The following PLEKHG2 variants were observed in gnomAD, a reference collection of about 807,000 sequenced individuals.
PLEKHG2 encodes the protein pleckstrin homology domain-containing family G member 2.
In PLEKHG2, 71 loss-of-function variants were observed where a neutral mutation model predicts 104.4. The ratio of observed to expected loss-of-function variants is 0.68; its 90% CI spans 0.56 to 0.83. The LOEUF (loss-of-function observed/expected upper bound fraction) is 0.83, where lower values mean the gene tolerates loss of function less well. Ranked by LOEUF, PLEKHG2 falls within the 40% of genes least tolerant of loss-of-function variation. PLEKHG2 has a pLI of 0.00. For synonymous variants in PLEKHG2, 728 were observed against 737.0 expected, an observed-to-expected ratio of 0.99 and a Z score of 0.20; for missense variants, 1,730 against 1,809.4, an observed-to-expected ratio of 0.96 and a Z score of 0.80.
intron 2 of PLEKHG2, 43 bp from the exon 3 acceptor site, chr19:39,414,949 G>A (rs1450451027): frequency 6.5e-7 from 1 of 1,535,824 alleles, no homozygotes; most frequent in Non-Finnish European, 8.8e-7. Flanking sequence ...GGAAGTCCGT[G>A]CATGGGGAGA....
intron 11 of PLEKHG2, among the ~76,000 whole-genome samples, chr19:39,419,896 A>C (rs2078671111): frequency 1.0e-5 from 1 of 97,274 alleles, no homozygotes. Context: ...AAAAAAGAAA[A>C]AGAAAAATTA....
In PLEKHG2 at chr19:39,415,323, C is replaced by T; in HGVS notation, c.379-16C>T. On this transcript the variant is annotated splice_polypyrimidine_tract_variant and intron_variant, in intron 3 of 18. Coordinates refer to ENST00000425673, the MANE Select transcript of PLEKHG2 (RefSeq NM_022835.3). This position sits in a 1 kb window ranked among gnomAD's most constrained non-coding sequence, Gnocchi z 4.6. ...GGCCAGCCCCTTGGCCCCCATAACC[C>T]CAGTCATCCCAACAGGACTACCTGG... 1 of 1,612,828 alleles carries T rather than the reference C, an allele frequency of 6.2e-7. No individual in the cohort carries two copies. The highest frequency in any genetic ancestry group is 8.5e-7 in the Non-Finnish European group (1 of 1,179,250).
rs760172948 is a variant in PLEKHG2 at position 39,424,178 on chromosome 19, C to T, written c.3045C>T (p.His1015=). The part of the protein sequence containing the change: ...CPEQGHCADI[H]VPTTPALPKE... ...AGCAGGGACACTGTGCGGACATCCA[C>T]GTTCCCACCACTCCAGCTTTGCCCA... The change falls in exon 19 of 19, where the codon CAC becomes CAT. Residue 1015 remains histidine, a synonymous_variant. Coordinates refer to ENST00000425673, the MANE Select transcript of PLEKHG2 (RefSeq NM_022835.3). 26 of 1,614,154 alleles carry T rather than the reference C, an allele frequency of 1.6e-5. No homozygotes were observed. The highest frequency in any genetic ancestry group is 1.7e-4 in the Middle Eastern group (1 of 6,060).
rs963635231 is a variant in PLEKHG2 at position 39,413,836 on chromosome 19, G to T, written c.-22-229G>T. On this transcript the variant is annotated intron_variant, in intron 1 of 18. Transcript: ENST00000425673. The surrounding 1 kb of genome is among the most constrained non-coding windows in gnomAD (Gnocchi z 4.5). ...CAGACAAACGGGACTCGCAGCTTCT[G>T]CGCCTCCTGCTCCGCTCACTCTTCT... 3 of 297,528 alleles carry T rather than the reference G, an allele frequency of 1.0e-5. No individual in the cohort carries two copies. In the East Asian group the frequency reaches 1.9e-4, roughly 18 times the overall value. 18.4% of individuals were successfully genotyped at this position (297,528 alleles called of 1,614,324 possible). A position where few individuals can be genotyped will look rare whatever the true frequency, so the allele number is the denominator to read the frequency against.
chr19:39,416,388 G>T lies in PLEKHG2; in HGVS notation c.520G>T (p.Gly174Cys). The change falls in exon 5 of 19, where the codon GGT becomes TGT. Residue 174 changes from glycine to cysteine, a missense_variant. By Grantham distance (159) the Gly-to-Cys change is radical (BLOSUM62 -3). Coordinates refer to ENST00000425673, the MANE Select transcript of PLEKHG2 (RefSeq NM_022835.3). The surrounding 1 kb of genome is among the most constrained non-coding windows in gnomAD (Gnocchi z 4.5). ...EDLENSSSAG[G>C]IAECFVQRSE... Reference sequence around the variant, plus strand: ...CTTGGAGAACAGCAGCAGCGCCGGGGGTATTGCCGAGTGCTTCGTGCAGAG... The same window carrying T: ...CTTGGAGAACAGCAGCAGCGCCGGGTGTATTGCCGAGTGCTTCGTGCAGAG... The T allele has an allele frequency of 6.2e-7, 1 of 1,613,208 alleles. No homozygotes were observed. Among genetic ancestry groups the T allele is most frequent in the Non-Finnish European group, 8.5e-7 (1 of 1,179,802 alleles).
At position 39,416,713 on chromosome 19, in the gene PLEKHG2, G is replaced by A. The variant is rs878941996; in HGVS notation, c.593+116G>A. 49 of 1,473,024 alleles carry A rather than the reference G, an allele frequency of 3.3e-5. 1 individual carries two copies. The South Asian group carries it at 5.8e-4, about 18-fold the overall frequency. 91.2% of individuals were successfully genotyped at this position (1,473,024 alleles called of 1,614,324 possible). On this transcript the variant is annotated intron_variant, in intron 6 of 18. Coordinates refer to ENST00000425673, the MANE Select transcript of PLEKHG2 (RefSeq NM_022835.3). This position sits in a 1 kb window ranked among gnomAD's most constrained non-coding sequence, Gnocchi z 4.5. ...CCAGCACCGACCCCTGCCAGGCTGTGACAGTAACTGACCTCTCCCTCACTG... is the reference window on the plus strand; with the variant it reads ...CCAGCACCGACCCCTGCCAGGCTGTAACAGTAACTGACCTCTCCCTCACTG...
chr19:39,421,840 A>G, intron 16 of PLEKHG2: 1 of 280,480 alleles, frequency 3.6e-6, no homozygotes, highest in Non-Finnish European at 6.6e-6. Context: ...AACAAGGAGA[A>G]ACCCCGACTC....
rs755416575 is a variant in PLEKHG2 at position 39,418,985 on chromosome 19, T to G, written c.1245T>G (p.Pro415=). 5.0e-6 allele frequency: 8 copies of G among 1,612,234 alleles called. No individual in the cohort carries two copies. The highest frequency in any genetic ancestry group is 6.8e-6 in the Non-Finnish European group (8 of 1,179,702). ...CLQRLFFENH[P]ASIPAKAKQV... Reference sequence around the variant, plus strand: ...AGCGCCTCTTCTTTGAGAACCACCCTGCCTCCATCCCTGCCAAGGTACAGC... The same window carrying G: ...AGCGCCTCTTCTTTGAGAACCACCCGGCCTCCATCCCTGCCAAGGTACAGC... The change falls in exon 11 of 19, where the codon CCT becomes CCG. Residue 415 remains proline (P), a synonymous_variant. Coordinates refer to ENST00000425673, the MANE Select transcript of PLEKHG2 (RefSeq NM_022835.3).
chr19:39,422,316 C>T, intron 17 of PLEKHG2, 28 bp downstream of exon 17: 1 of 1,599,386 alleles, frequency 6.3e-7, no homozygotes, highest in Non-Finnish European at 8.5e-7. Context: ...TCATGGTGTC[C>T]TTGGGCCTCT....
rs1291029323 is a variant in PLEKHG2 at position 39,424,470 on chromosome 19, C to T, written c.3337C>T (p.Pro1113Ser). ...DLQIPGTSPL[P>S]AHGSHLDHRI... is the part of the protein sequence containing the mutation. ...TCAGATTCCAGGTACCTCACCTTTG[C>T]CTGCACATGGAAGCCACCTGGACCA... is the stretch of plus-strand genomic sequence containing the variant. The change falls in exon 19 of 19, where the codon CCT (proline) becomes TCT (serine). Residue 1113 changes from proline to serine, a missense_variant. Coordinates refer to ENST00000425673, the MANE Select transcript of PLEKHG2 (RefSeq NM_022835.3). 6.2e-7 allele frequency: 1 copy of T among 1,614,014 alleles called. No homozygotes were observed.
At position 39,424,992 on chromosome 19, in the gene PLEKHG2, A is replaced by G. The variant is rs775203621; in HGVS notation, c.3859A>G (p.Ser1287Gly). 10 of 1,612,314 alleles carry G rather than the reference A, an allele frequency of 6.2e-6. No individual in the cohort carries two copies. Among genetic ancestry groups the G allele is most frequent in the Non-Finnish European group, 7.6e-6 (9 of 1,178,852 alleles). The change falls in exon 19 of 19, where the codon AGC becomes GGC. Residue 1287 changes from serine to glycine, a missense_variant. Transcript: ENST00000425673. ...CAGATACCTGGCAGCCTCATATATC[A>G]GCCAGAGCCTGGCTCGGCGGCAGGG... Reference protein sequence around the residue: ...LSRYLAASYISQSLARRQGPG... With the variant: ...LSRYLAASYIGQSLARRQGPG...
rs1256150946 is a variant in PLEKHG2 at position 39,413,790 on chromosome 19, G to A, written c.-22-275G>A. 4.8e-6 allele frequency: 1 copy of A among 210,030 alleles called. No homozygotes were observed. Among genetic ancestry groups the A allele is most frequent in the East Asian group, 1.1e-4 (1 of 9,426 alleles). 13.0% of individuals were successfully genotyped at this position (210,030 alleles called of 1,614,324 possible). On this transcript the variant is annotated intron_variant, in intron 1 of 18. Coordinates refer to ENST00000425673, the MANE Select transcript of PLEKHG2 (RefSeq NM_022835.3). The surrounding 1 kb of genome is among the most constrained non-coding windows in gnomAD (Gnocchi z 4.5). ...TCCAGCTGGAGCCCAAACGTTCCCA[G>A]GATCCCTAAGCCTCCGGCCCCAGAC... is the stretch of plus-strand genomic sequence containing the variant.
At position 39,423,583 on chromosome 19, in the gene PLEKHG2, G is replaced by C; in HGVS notation, c.2529G>C (p.Pro843=). ...AGACTCGGGCATCAGCCAATGCCCC[G>C]CGCCGCCGGCCTCGGGTTCTGGCCC... ...RAETRASANA[P]RRRPRVLAQP... is the part of the protein sequence containing the mutation. Residue 843 remains proline, a synonymous_variant, in exon 18 of 19, where the codon CCG becomes CCC. Transcript: ENST00000425673. 1 of 1,533,628 alleles carries C rather than the reference G, an allele frequency of 6.5e-7. No homozygotes were observed.
Position 39,425,178 on chromosome 19 carries a change from C to T in PLEKHG2, c.4045C>T (p.Leu1349=). ...VNIHVGGGGR[L]RPAKAQVRLN... ...CATCCACGTGGGCGGGGGTGGGCGG[C>T]TGCGGCCAGCCAAGGCCCAGGTCCG... Residue 1349 remains leucine (L), a synonymous_variant, in exon 19 of 19, where the codon CTG becomes TTG. Transcript: ENST00000425673. The T allele has an allele frequency of 6.2e-7, 1 of 1,603,484 alleles. No individual in the cohort carries two copies. The highest frequency in any genetic ancestry group is 1.7e-4 in the Middle Eastern group (1 of 6,002).
chr19:39,422,085 C>G lies in PLEKHG2; in HGVS notation c.1504-30C>G, dbSNP rs752340985. The stretch of plus-strand genomic sequence containing the variant: ...TCTATGTGAGGGAGGAGTCTTGGCT[C>G]TTGCCTTCCATTGCTTTCCCTCCTC... On this transcript the variant is annotated intron_variant, in intron 16 of 18. Transcript: ENST00000425673. 2.5e-6 allele frequency: 4 copies of G among 1,587,830 alleles called. No individual in the cohort carries two copies. The African/African-American group carries it at 4.1e-5, about 16-fold the overall frequency.
intron 8 of PLEKHG2, 42 bp downstream of exon 8, chr19:39,417,734 A>T: frequency 2.0e-5 from 16 of 785,662 alleles, no homozygotes; most frequent in Non-Finnish European, 2.9e-5. Flanking sequence ...TGAGGGAGTG[A>T]GCGAGGGGGC....
chr19:39,414,468 G>C (rs1008015207), intron 2 of PLEKHG2, among the ~76,000 whole-genome samples: 1 of 152,216 alleles, frequency 6.6e-6, no homozygotes, highest in Non-Finnish European at 1.5e-5. Flanking sequence ...AGATTAGGGG[G>C]AAGGAGTTGC....
chr19:39,415,539 C>G lies in PLEKHG2; in HGVS notation c.479+100C>G. 7.6e-7 allele frequency: 1 copy of G among 1,323,716 alleles called. No homozygotes were observed. Among genetic ancestry groups the G allele is most frequent in the Non-Finnish European group, 1.0e-6 (1 of 955,048 alleles). 82.0% of individuals were successfully genotyped at this position (1,323,716 alleles called of 1,614,324 possible). A position where few individuals can be genotyped will look rare whatever the true frequency, so the allele number is the denominator to read the frequency against. On this transcript the variant is annotated intron_variant, in intron 4 of 18. Coordinates refer to ENST00000425673, the MANE Select transcript of PLEKHG2 (RefSeq NM_022835.3). The surrounding 1 kb of genome is among the most constrained non-coding windows in gnomAD (Gnocchi z 4.6). ...TCGTAGTGTCCTGTCCAGGCTGGTA[C>G]GTGGGGTTGTGACATTGGGCAAGGA... is the stretch of plus-strand genomic sequence containing the variant.
chr19:39,424,580 A>G lies in PLEKHG2; in HGVS notation c.3447A>G (p.Pro1149=). Residue 1149 remains proline (P), a synonymous_variant, in exon 19 of 19, where the codon CCA becomes CCG. Transcript: ENST00000425673. ...QVPATTPLPL[P]QVLTDIWVQA... ...CAGCTACCACACCTTTGCCCCTGCC[A>G]CAAGTCCTCACAGACATCTGGGTCC... 6.2e-7 allele frequency: 1 copy of G among 1,614,136 alleles called. No individual in the cohort carries two copies. Among genetic ancestry groups the G allele is most frequent in the Non-Finnish European group, 8.5e-7 (1 of 1,180,026 alleles).
Sources: allele counts gnomAD v4.1 joint callset (sites outside exome capture counted in the v4.1 genomes callset), GRCh38; gene constraint gnomAD v4.1.1; non-coding constraint Gnocchi (gnomAD v3.1); transcripts MANE v1.5; gene names NCBI Gene and HGNC (gene_info 2026-07-23, HGNC 2026-07-21).